Variants in COLQ observed in about 807,000 individuals in gnomAD.
COLQ encodes the protein acetylcholinesterase collagenic tail peptide.
A neutral mutation model predicts 69.0 loss-of-function variants in COLQ; 48 were observed. That is an observed-to-expected ratio of 0.70 (90% CI 0.55 to 0.88). The LOEUF (loss-of-function observed/expected upper bound fraction) is 0.88. COLQ is among the 40% of genes least tolerant of loss of function. The pLI is 0.00. For missense variants in COLQ, 618 were observed against 594.6 expected, an observed-to-expected ratio of 1.04 and a Z score of -0.41; for synonymous variants, 217 against 211.2, an observed-to-expected ratio of 1.03 and a Z score of -0.24.
At chr3:15,498,089 T>C (rs890479946) in intron 1 of COLQ, among the ~76,000 whole-genome samples, 1 of 152,134 alleles carries the variant, frequency 6.6e-6, no homozygotes, top group African/African-American at 2.4e-5. Flanking sequence ...TCAAGAGTGA[T>C]GGAGACTGTC....
chr3:15,466,781 A>C (rs2125104169), intron 11 of COLQ, among the ~76,000 whole-genome samples: 1 of 152,320 alleles, frequency 6.6e-6, no homozygotes, highest in East Asian at 1.9e-4. Context: ...ACTCAGGATA[A>C]AGACTTAGCT....
At chr3:15,483,815 T>C (rs1221120416) in intron 3 of COLQ, among the ~76,000 whole-genome samples, 1 of 152,208 alleles carries the variant, frequency 6.6e-6, no homozygotes, top group African/African-American at 2.4e-5. Flanking sequence ...CAGTGGGGTG[T>C]TGAAGTCTCC....
intron 1 of COLQ, among the ~76,000 whole-genome samples, chr3:15,501,749 A>C (rs2062834088): frequency 6.6e-6 from 1 of 152,188 alleles, no homozygotes; most frequent in South Asian, 2.1e-4. Context: ...GAACTGATCA[A>C]CCTGGTCTGC....
At chr3:15,487,355 G>A (rs1013856101) in intron 3 of COLQ, among the ~76,000 whole-genome samples, 5 of 152,180 alleles carry the variant, frequency 3.3e-5, no homozygotes, top group Admixed American at 1.3e-4. Context: ...TTGAGAACCC[G>A]AGAGATGGTC....
At position 15,474,045 on chromosome 3, in the gene COLQ, G is replaced by T. The variant is rs1159814050; in HGVS notation, c.601-10C>A. On this transcript the variant is annotated splice_polypyrimidine_tract_variant and intron_variant, in intron 9 of 16. Transcript: ENST00000383788. ...GAAATCCTGGGAAACCCTGTGAAAA[G>T]AGCAACAAATAATTGTGATCACCTC... 6.2e-7 allele frequency: 1 copy of T among 1,614,024 alleles called. No homozygotes were observed. The highest frequency in any genetic ancestry group is 8.5e-7 in the Non-Finnish European group (1 of 1,180,008).
intron 1 of COLQ, chr3:15,498,877 T>C: frequency 5.1e-6 from 7 of 1,364,120 alleles, no homozygotes; most frequent in Non-Finnish European, 6.6e-6. Context: ...GGATATGAGG[T>C]TGGGAGCCCA....
intron 1 of COLQ, among the ~76,000 whole-genome samples, chr3:15,492,115 G>A (rs1163205073): frequency 6.6e-6 from 1 of 152,040 alleles, no homozygotes; most frequent in South Asian, 2.1e-4. Flanking sequence ...ATTATAAGTG[G>A]TCAGACATAA....
intron 6 of COLQ, 104 bp from the exon 7 acceptor site, chr3:15,475,591 G>T (rs1390086358): frequency 1.7e-6 from 2 of 1,159,794 alleles, no homozygotes; most frequent in Non-Finnish European, 2.5e-6. Context: ...TATCAGGGCT[G>T]GCTTGTAAAT....
At chr3:15,517,957 T>C (rs774321357) in intron 1 of COLQ, among the ~76,000 whole-genome samples, 1 of 152,118 alleles carries the variant, frequency 6.6e-6, no homozygotes, top group South Asian at 2.1e-4. Context: ...GTTTTGTTTG[T>C]TTTTTTAAAC....
At chr3:15,520,627 T>C (rs2063123554) in intron 1 of COLQ, among the ~76,000 whole-genome samples, 1 of 152,218 alleles carries the variant, frequency 6.6e-6, no homozygotes, top group African/African-American at 2.4e-5. Context: ...TGAGGGGGGC[T>C]GTGAGGGTCT....
intron 6 of COLQ, 130 bp downstream of exon 6, chr3:15,476,996 C>T: frequency 1.0e-6 from 1 of 965,968 alleles, no homozygotes; most frequent in Non-Finnish European, 1.6e-6. Context: ...GTGGCCAGTC[C>T]TTAAGCTCTC....
In COLQ at chr3:15,478,745, C is replaced by T. The variant is rs2062424028; in HGVS notation, c.393+232G>A. On this transcript the variant is annotated intron_variant, in intron 5 of 16. Transcript: ENST00000383788. Reference sequence around the variant, plus strand: ...GGTGGAATTTGGCCAGGCTTGGCAGCCCCCGGAAGAAGTCTGAATGCCTGG... The same window carrying T: ...GGTGGAATTTGGCCAGGCTTGGCAGTCCCCGGAAGAAGTCTGAATGCCTGG... 8 of 613,362 alleles carry T rather than the reference C, an allele frequency of 1.3e-5. No homozygotes were observed. The East Asian group carries it at 2.0e-4, about 15-fold the overall frequency. 38.0% of individuals were successfully genotyped at this position (613,362 alleles called of 1,614,324 possible).
At chr3:15,463,217 G>C (rs1000142379) in intron 12 of COLQ, among the ~76,000 whole-genome samples, 5 of 152,020 alleles carry the variant, frequency 3.3e-5, no homozygotes, top group African/African-American at 1.2e-4. Flanking sequence ...TAAACACAGT[G>C]AGACCATTAA....
At chr3:15,497,164 C>G (rs987852096) in intron 1 of COLQ, among the ~76,000 whole-genome samples, 24 of 151,144 alleles carry the variant, frequency 1.6e-4, no homozygotes, top group African/African-American at 5.6e-4. Context: ...ATGCCTCAGT[C>G]TCCTGAGCAG....
At chr3:15,507,374 C>T (rs901617294) in intron 1 of COLQ, among the ~76,000 whole-genome samples, 2 of 152,226 alleles carry the variant, frequency 1.3e-5, no homozygotes, top group African/African-American at 2.4e-5. Flanking sequence ...CAGCAATTCA[C>T]GTCTCCTCCT....
intron 5 of COLQ, among the ~76,000 whole-genome samples, chr3:15,478,276 G>A (rs937504253): frequency 6.6e-6 from 1 of 152,178 alleles, no homozygotes; most frequent in African/African-American, 2.4e-5. Context: ...TCTTGCAAAA[G>A]TCTGTTTAAG....
intron 1 of COLQ, among the ~76,000 whole-genome samples, chr3:15,512,777 A>T (rs1221202571): frequency 6.6e-6 from 1 of 152,204 alleles, no homozygotes; most frequent in Non-Finnish European, 1.5e-5. Flanking sequence ...TCATAATTAG[A>T]CCACTTAATC....
In COLQ at chr3:15,450,347, GC is replaced by G. The variant is rs1284012724; in HGVS notation, c.*1296del. The G allele has an allele frequency of 1.3e-5, 2 of 153,634 alleles. No homozygotes were observed. The highest frequency in any genetic ancestry group is 2.9e-5 in the Non-Finnish European group (2 of 68,048). The allele number at this position is 153,634 out of a possible 1,614,324, so 9.5% of individuals were successfully genotyped here. On this transcript the variant is annotated 3_prime_UTR_variant, in exon 17 of 17. Coordinates refer to ENST00000383788, the MANE Select transcript of COLQ (RefSeq NM_005677.4). ...CAGACACCAGGTGATGGTCCACCAG[GC>G]CCCAAGCTCCAGCCTGCTGAGTCCC...
intron 1 of COLQ, among the ~76,000 whole-genome samples, chr3:15,503,040 C>T (rs571875236): frequency 6.7e-4 from 102 of 152,328 alleles, no homozygotes; most frequent in African/African-American, 2.5e-3. Flanking sequence ...TCCAAAGGCA[C>T]CTTGCACACA....
Sources: allele counts gnomAD v4.1 joint callset (sites outside exome capture counted in the v4.1 genomes callset), GRCh38; gene constraint gnomAD v4.1.1; transcripts MANE v1.5; gene names NCBI Gene and HGNC (gene_info 2026-07-23, HGNC 2026-07-21).